Variants in ATP2B3 observed in about 807,000 individuals in gnomAD.
The protein encoded by ATP2B3 is ATPase plasma membrane Ca2+ transporting 3.
Under a neutral mutation model 70.8 loss-of-function variants are expected in ATP2B3, and 12 were observed. The observed-to-expected ratio is 0.17, with a 90% CI of 0.11 to 0.27. The LOEUF (loss-of-function observed/expected upper bound fraction) is 0.27. Ranked by LOEUF, ATP2B3 falls within the 10% of genes least tolerant of loss-of-function variation. ATP2B3 has a pLI of 1.00. For synonymous variants in ATP2B3, 460 were observed against 497.8 expected (o/e 0.92, Z 1.01); for missense variants, 858 against 1,118.5 (o/e 0.77, Z 3.32).
chrX:153,538,568 A>G (rs1007423876), intron 3 of ATP2B3, among the ~76,000 whole-genome samples: 1 of 112,822 alleles, frequency 8.9e-6, no homozygotes, highest in African/African-American at 3.2e-5. Flanking sequence ...CTCCACAGGC[A>G]GTTCTGGAAA....
Position 153,536,172 on chromosome X carries a change from T to G in ATP2B3, c.-76T>G. Reference sequence around the variant, plus strand: ...CCGCCGCCAAACCTTGCCTGGGCACTGGGACCGTGGGTGGCCGCCTGTCCC... The same window carrying G: ...CCGCCGCCAAACCTTGCCTGGGCACGGGGACCGTGGGTGGCCGCCTGTCCC... On this transcript the variant is annotated 5_prime_UTR_variant, in exon 3 of 22. Transcript: ENST00000263519. The G allele has an allele frequency of 9.0e-7, 1 of 1,107,961 alleles. No individual in the cohort carries two copies. Among genetic ancestry groups the G allele is most frequent in the Non-Finnish European group, 1.2e-6 (1 of 818,818 alleles). The allele number at this position is 1,107,961 out of a possible 1,213,427, so 91.3% of individuals were successfully genotyped here.
At position 153,580,000 on chromosome X, in the gene ATP2B3, G is replaced by A. The variant is rs142573189; in HGVS notation, c.3365G>A (p.Arg1122His). The A allele has an allele frequency of 1.7e-5, 21 of 1,205,163 alleles. No individual in the cohort carries two copies. In the East Asian group the frequency reaches 1.8e-4, roughly 10 times the overall value. The part of the protein sequence containing the change: ...QTQIRVVKAF[R>H]SSLYEGLEKP... ...CAGATCCGGGTGGTGAAAGCGTTCC[G>A]TAGCTCGCTCTATGAAGGCCTGGAG... Residue 1122 changes from arginine to histidine, a missense_variant, in exon 22 of 22, where the codon CGT becomes CAT. Coordinates refer to ENST00000263519, the MANE Select transcript of ATP2B3 (RefSeq NM_001001344.3).
At chrX:153,526,992 G>A (rs1424810451) in intron 2 of ATP2B3, among the ~76,000 whole-genome samples, 1 of 112,452 alleles carries the variant, frequency 8.9e-6, no homozygotes, top group African/African-American at 3.2e-5. Context: ...ACACGTGTAT[G>A]TGTCCTGGTA....
At position 153,580,120 on chromosome X, in the gene ATP2B3, C is replaced by G; in HGVS notation, c.3485C>G (p.Thr1162Arg). ...CACAACATCCCGCTCATTGACGACA[C>G]GGACGTGGACGAGAACGAGGAGCGC... ...YTHNIPLIDDTDVDENEERLR... is the reference protein window; with the variant it reads ...YTHNIPLIDDRDVDENEERLR... Residue 1162 changes from threonine (T) to arginine (R), a missense_variant, in exon 22 of 22, where the codon ACG becomes AGG. Physicochemically the swap from Thr to Arg is moderately conservative, Grantham distance 71. Transcript: ENST00000263519. The G allele has an allele frequency of 8.2e-7, 1 of 1,212,298 alleles. No individual in the cohort carries two copies. Among genetic ancestry groups the G allele is most frequent in the Non-Finnish European group, 1.1e-6 (1 of 895,643 alleles).
At chrX:153,572,804 T>C (rs2090808551) in intron 21 of ATP2B3, among the ~76,000 whole-genome samples, 2 of 111,675 alleles carry the variant, frequency 1.8e-5, no homozygotes, top group South Asian at 7.6e-4. Flanking sequence ...GGTGTCCATA[T>C]TCCGGAGAGC....
intron 21 of ATP2B3, among the ~76,000 whole-genome samples, chrX:153,565,438 G>A (rs1174092526): frequency 8.9e-6 from 1 of 112,929 alleles, no homozygotes; most frequent in Non-Finnish European, 1.9e-5. Context: ...TTCACTTGGT[G>A]GGAACGGCCC....
chrX:153,519,362 G>A (rs1158515642), intron 2 of ATP2B3, among the ~76,000 whole-genome samples: 1 of 111,942 alleles, frequency 8.9e-6, no homozygotes, highest in African/African-American at 3.2e-5. Flanking sequence ...GCAGGGAGGC[G>A]GGGAGAGGTT....
intron 21 of ATP2B3, among the ~76,000 whole-genome samples, chrX:153,570,788 G>A (rs1455261257): frequency 2.7e-5 from 3 of 110,902 alleles, no homozygotes; most frequent in Admixed American, 9.5e-5. Flanking sequence ...CCACTCCCCT[G>A]CAGGTGGGAG....
Position 153,580,429 on chromosome X carries a change from G to GGTCTTCAGCC in ATP2B3, c.*131_*132insGTCTTCAGCC. 1.5e-6 allele frequency: 1 copy of GGTCTTCAGCC among 689,301 alleles called. No homozygotes were observed. Among genetic ancestry groups the GGTCTTCAGCC allele is most frequent in the Non-Finnish European group, 2.1e-6 (1 of 476,400 alleles). 56.8% of individuals were successfully genotyped at this position (689,301 alleles called of 1,213,427 possible). ...CGAGGGAACAACTAAGGTGGCTGAA[G>GGTCTTCAGCC]ACCTTTCTGGCAGGGCATTTGCAAG... is the stretch of plus-strand genomic sequence containing the variant. On this transcript the variant is annotated 3_prime_UTR_variant, in exon 22 of 22. Coordinates refer to ENST00000263519, the MANE Select transcript of ATP2B3 (RefSeq NM_001001344.3).
rs1240230690 is a variant in ATP2B3, at chrX:153,558,160, A to T, written c.2482A>T (p.Thr828Ser). The change falls in exon 17 of 22, where the codon ACC (threonine) becomes TCC (serine). Residue 828 changes from threonine to serine, a missense_variant. By Grantham distance (58) the Thr-to-Ser change is moderately conservative. Around this residue, in one of 5 missense-constraint regions of ATP2B3, gnomAD observed 50 missense variants for 106.7 expected, o/e 0.47. Transcript: ENST00000263519. The stretch of plus-strand genomic sequence containing the variant: ...CAAGGAGGCCTCCGACATCATCCTG[A>T]CCGATGACAACTTCACCAGCATCGT... ...VAKEASDIILTDDNFTSIVKA... is the reference protein window; with the variant it reads ...VAKEASDIILSDDNFTSIVKA... 1 of 1,209,305 alleles carries T rather than the reference A, an allele frequency of 8.3e-7. No homozygotes were observed. The highest frequency in any genetic ancestry group is 1.1e-6 in the Non-Finnish European group (1 of 895,000).
chrX:153,546,006 C>G, intron 7 of ATP2B3, 82 bp from the exon 8 acceptor site: 1 of 1,103,435 alleles, frequency 9.1e-7, no homozygotes, highest in Non-Finnish European at 1.2e-6. Context: ...CAATCAGGCC[C>G]CTCCTCCCCA....
chrX:153,528,057 A>G (rs1264253379), intron 2 of ATP2B3, among the ~76,000 whole-genome samples: 1 of 112,928 alleles, frequency 8.9e-6, no homozygotes, highest in Admixed American at 9.3e-5. Context: ...AGGCCCAGAG[A>G]GCTTGAGTGA....
rs782414629 is a variant in ATP2B3 at position 153,549,530 on chromosome X, C to T, written c.1372C>T (p.Leu458=). Residue 458 remains leucine (L), a synonymous_variant, in exon 11 of 22, where the codon CTG becomes TTG. Transcript: ENST00000263519. ...MMKDNNLVRH[L]DACETMGNAT... ...GAAAGACAACAACCTGGTGCGCCAC[C>T]TGGATGCCTGCGAGACCATGGGCAA... The T allele has an allele frequency of 1.7e-5, 21 of 1,210,871 alleles. No homozygotes were observed. Among genetic ancestry groups the T allele is most frequent in the African/African-American group, 5.2e-5 (3 of 57,402 alleles).
chrX:153,568,805 C>T (rs1446869540), intron 21 of ATP2B3, among the ~76,000 whole-genome samples: 1 of 112,741 alleles, frequency 8.9e-6, no homozygotes, highest in Non-Finnish European at 1.9e-5. Context: ...ACCTGGTGGC[C>T]ACCACATAGC....
chrX:153,548,670 T>A lies in ATP2B3; in HGVS notation c.1154T>A (p.Ile385Asn). Reference sequence around the variant, plus strand: ...GTGATGTCTGCCATCACCGTCATCATCCTGGTCCTCTACTTTGTGATTGAG... The same window carrying A: ...GTGATGTCTGCCATCACCGTCATCAACCTGGTCCTCTACTTTGTGATTGAG... Reference protein sequence around the residue: ...GLVMSAITVIILVLYFVIETF... With the variant: ...GLVMSAITVINLVLYFVIETF... Residue 385 changes from isoleucine to asparagine, a missense_variant, in exon 10 of 22, where the codon ATC becomes AAC. Physicochemically the swap from Ile to Asn is moderately radical, Grantham distance 149. This residue lies in a region of ATP2B3 where 278 missense variants were observed against 366.2 expected (regional missense o/e 0.76). Coordinates refer to ENST00000263519, the MANE Select transcript of ATP2B3 (RefSeq NM_001001344.3). 8.3e-7 allele frequency: 1 copy of A among 1,211,307 alleles called. No individual in the cohort carries two copies. Among genetic ancestry groups the A allele is most frequent in the Non-Finnish European group, 1.1e-6 (1 of 895,305 alleles).
chrX:153,577,848 G>T (rs1447672098), intron 21 of ATP2B3, among the ~76,000 whole-genome samples: 3 of 111,245 alleles, frequency 2.7e-5, no homozygotes, highest in Non-Finnish European at 5.7e-5. Context: ...TCGAACACCT[G>T]AGCTCAAGCG....
intron 2 of ATP2B3, among the ~76,000 whole-genome samples, chrX:153,520,082 TG>T (rs1224252681): frequency 3.9e-5 from 1 of 25,774 alleles, no homozygotes; most frequent in East Asian, 1.4e-3. Flanking sequence ...CCAGGGAGGG[TG>T]GGGGTGGGCC....
rs375626825 is a variant in ATP2B3, at chrX:153,546,003, G to A, written c.917-85G>A. On this transcript the variant is annotated intron_variant, in intron 7 of 21. Transcript: ENST00000263519. ...CATGAAGAAGGCCACCAGCAATCAG[G>A]CCCCTCCTCCCCACCCCCTCTGCCA... The A allele has an allele frequency of 8.4e-6, 9 of 1,071,544 alleles. No individual in the cohort carries two copies. The East Asian group carries it at 2.8e-4, about 33-fold the overall frequency. 88.3% of individuals were successfully genotyped at this position (1,071,544 alleles called of 1,213,427 possible). A position where few individuals can be genotyped will look rare whatever the true frequency, so the allele number is the denominator to read the frequency against.
rs895866699 is a variant in ATP2B3, at chrX:153,536,428, C to A, written c.181C>A (p.Arg61=). 1 of 1,201,221 alleles carries A rather than the reference C, an allele frequency of 8.3e-7. No homozygotes were observed. Among genetic ancestry groups the A allele is most frequent in the Non-Finnish European group, 1.1e-6 (1 of 891,246 alleles). ...EAYGDVSGLC[R]RLKTSPTEGL... is the part of the protein sequence containing the mutation. ...CTACGGGGATGTCAGCGGGCTCTGC[C>A]GGAGGCTGAAGACCTCACCCACAGA... The change falls in exon 3 of 22, where the codon CGG becomes AGG. Residue 61 remains arginine (R), a synonymous_variant. Transcript: ENST00000263519.
Sources: gnomAD v4.1 joint callset for allele counts (sites outside exome capture counted in the v4.1 genomes callset) on GRCh38, gnomAD v4.1.1 for gene constraint, gnomAD v4.1.1 regional missense constraint, MANE v1.5 for transcripts, NCBI Gene and HGNC (gene_info 2026-07-23, HGNC 2026-07-21) for gene names.